Variants in ASIC2 observed in about 807,000 individuals in gnomAD.
ASIC2 encodes the protein acid sensing ion channel subunit 2, also known as acid-sensing ion channel 2.
A neutral mutation model predicts 57.3 loss-of-function variants in ASIC2; 25 were observed. The ratio of observed to expected loss-of-function variants is 0.44; its 90% CI spans 0.32 to 0.61. ASIC2 has a LOEUF of 0.61. Among genes scored for constraint, ASIC2 ranks in the 20% least tolerant of loss-of-function variants. The probability of loss-of-function intolerance (pLI) is 0.06; values close to 1 mark genes in which losing one functional copy is unlikely to be tolerated. For synonymous variants in ASIC2, 319 were observed against 307.5 expected (o/e 1.04, Z -0.39); for missense variants, 641 against 738.1 (o/e 0.87, Z 1.52).
chr17:33,908,096 C>T (rs1002482906), intron 1 of ASIC2, among the ~76,000 whole-genome samples: 1 of 152,142 alleles, frequency 6.6e-6, no homozygotes, highest in African/African-American at 2.4e-5. Context: ...TTACAGTGTC[C>T]CAGTGTGCAC....
At chr17:33,804,231 G>A (rs184937802) in intron 1 of ASIC2, among the ~76,000 whole-genome samples, 1 of 152,304 alleles carries the variant, frequency 6.6e-6, no homozygotes, top group East Asian at 1.9e-4. Context: ...TTTAATAACT[G>A]TTATTTATCC....
intron 1 of ASIC2, among the ~76,000 whole-genome samples, chr17:33,233,921 C>T (rs1481776001): frequency 6.6e-6 from 1 of 152,176 alleles, no homozygotes; most frequent in African/African-American, 2.4e-5. Context: ...TTAGGCGGGA[C>T]AGCCCTGCTG....
intron 1 of ASIC2, among the ~76,000 whole-genome samples, chr17:33,401,176 G>A (rs1183218109): frequency 6.6e-6 from 1 of 152,082 alleles, no homozygotes; most frequent in Non-Finnish European, 1.5e-5. Context: ...TATTTAACTG[G>A]CCAAAGGAAG....
chr17:33,464,518 TTCTTTCTTTCTTTCTTTCTTTC>T lies in ASIC2; in HGVS notation c.556-352473_556-352452del, dbSNP rs1567621068. Among the ~76,000 whole-genome samples the T allele has an allele frequency of 1.8e-3, 75 of 40,748 alleles. 2 individuals are homozygous for T. Among genetic ancestry groups the T allele is most frequent in the South Asian group, 0.014 (13 of 960 alleles). 26.7% of individuals were successfully genotyped at this position (40,748 alleles called of 152,430 possible). Reference sequence around the variant, plus strand: ...TTTCTTTCTTTCTTTCTTTCTTTCTTTCTTTCTTTCTTTCTTTCTTTCTCTTTCTTTCTTTCTTTCTTTCTTT... The same window carrying T: ...TTTCTTTCTTTCTTTCTTTCTTTCTTTCTTTCTTTCTTTCTTTCTTTCTTT... On this transcript the variant is annotated intron_variant, in intron 1 of 9. Coordinates refer to the ASIC2 transcript ENST00000359872.
intron 1 of ASIC2, among the ~76,000 whole-genome samples, chr17:33,768,713 G>A (rs1322659852): frequency 6.6e-6 from 1 of 152,098 alleles, no homozygotes; most frequent in African/African-American, 2.4e-5. Context: ...GGCTCTTCCT[G>A]AATAATGCCT....
At chr17:33,559,502 C>A (rs1276243463) in intron 1 of ASIC2, among the ~76,000 whole-genome samples, 1 of 152,008 alleles carries the variant, frequency 6.6e-6, no homozygotes, top group Non-Finnish European at 1.5e-5. Flanking sequence ...TTTCAAAGGT[C>A]GTGGTCTTGC....
intron 1 of ASIC2, among the ~76,000 whole-genome samples, chr17:33,312,080 A>C (rs1906449689): frequency 6.6e-6 from 1 of 152,228 alleles, no homozygotes; most frequent in African/African-American, 2.4e-5. Context: ...ATCTTATTGC[A>C]TATGTGACCT....
intron 1 of ASIC2, among the ~76,000 whole-genome samples, chr17:33,192,079 T>C (rs1444246058): frequency 6.6e-6 from 1 of 152,174 alleles, no homozygotes; most frequent in Admixed American, 6.5e-5. Context: ...TTAATAAAAA[T>C]ATATTATAAG....
At chr17:33,715,084 C>T (rs1909175255) in intron 1 of ASIC2, among the ~76,000 whole-genome samples, 1 of 151,462 alleles carries the variant, frequency 6.6e-6, no homozygotes. Context: ...ACTACAACCT[C>T]AAAGTCCTCG....
Position 33,185,879 on chromosome 17 carries a change from G to A in ASIC2, c.709-73812C>T, listed in dbSNP as rs1020020806. Among the ~76,000 whole-genome samples the A allele has an allele frequency of 2.0e-5, 3 of 152,114 alleles. No homozygotes were observed. The East Asian group carries it at 5.8e-4, about 29-fold the overall frequency. ...AGGCTTCGGGTAGAGTGCTCAGAGG[G>A]TATTGCTTCAGAAGTGGGGACAAAT... On this transcript the variant is annotated intron_variant, in intron 1 of 9. Coordinates refer to ENST00000225823, the MANE Select transcript of ASIC2 (RefSeq NM_183377.2).
chr17:33,275,864 G>A (rs1406631894), intron 1 of ASIC2, among the ~76,000 whole-genome samples: 1 of 152,208 alleles, frequency 6.6e-6, no homozygotes, highest in East Asian at 1.9e-4. Context: ...GAACATGATA[G>A]ATACAGTGAA....
intron 1 of ASIC2, among the ~76,000 whole-genome samples, chr17:33,704,312 G>A (rs1567693858): frequency 6.6e-6 from 1 of 152,198 alleles, no homozygotes; most frequent in Non-Finnish European, 1.5e-5. Context: ...ATAGGAACAA[G>A]CATGTATAGC....
At chr17:33,976,742 G>A (rs1251259809) in intron 1 of ASIC2, 2 of 152,092 alleles carry the variant, frequency 1.3e-5, no homozygotes, top group Non-Finnish European at 2.9e-5. Context: ...GGCCCAAGGA[G>A]AAAGGTAAGA....
intron 1 of ASIC2, among the ~76,000 whole-genome samples, chr17:33,206,796 A>T (rs1907078296): frequency 6.6e-6 from 1 of 152,186 alleles, no homozygotes; most frequent in Non-Finnish European, 1.5e-5. Flanking sequence ...TGGATGAGTT[A>T]CTGGAGATCA....
intron 1 of ASIC2, among the ~76,000 whole-genome samples, chr17:33,922,063 A>G (rs1377350959): frequency 7.2e-5 from 11 of 152,168 alleles, no homozygotes; most frequent in Admixed American, 7.2e-4. Flanking sequence ...AAAGTCTCTC[A>G]TCTCACAGGT....
intron 4 of ASIC2, 89 bp downstream of exon 4, chr17:33,028,153 G>T: frequency 6.7e-7 from 1 of 1,501,294 alleles, no homozygotes; most frequent in Non-Finnish European, 9.1e-7. Context: ...CCAGCGAAGT[G>T]GGTGAAGTGT....
At chr17:33,403,657 A>G (rs1314470654) in intron 1 of ASIC2, among the ~76,000 whole-genome samples, 2 of 152,268 alleles carry the variant, frequency 1.3e-5, no homozygotes, top group Non-Finnish European at 2.9e-5. Flanking sequence ...TGTACTTAGT[A>G]CAAGAAACAA....
intron 1 of ASIC2, among the ~76,000 whole-genome samples, chr17:34,106,871 G>T (rs1449819768): frequency 6.6e-6 from 1 of 152,150 alleles, no homozygotes; most frequent in East Asian, 1.9e-4. Context: ...AGAAATGGTA[G>T]TAGAGACAAA....
intron 1 of ASIC2, among the ~76,000 whole-genome samples, chr17:33,864,006 C>A (rs947226553): frequency 2.0e-5 from 3 of 151,794 alleles, no homozygotes. Flanking sequence ...CAGGTTCAAG[C>A]GATTCTCCTA....
Sources: gnomAD v4.1 joint callset for allele counts (sites outside exome capture counted in the v4.1 genomes callset) on GRCh38, gnomAD v4.1.1 for gene constraint, MANE v1.5 for transcripts, NCBI Gene and HGNC (gene_info 2026-07-23, HGNC 2026-07-21) for gene names.